MBOAT2: variants seen among roughly 807,000 people sequenced by gnomAD.
MBOAT2 encodes membrane-bound glycerophospholipid O-acyltransferase 2.
In MBOAT2, 28 loss-of-function variants were observed where a neutral mutation model predicts 63.4. The observed-to-expected ratio is 0.44, with a 90% CI of 0.33 to 0.61. The LOEUF is 0.61. Among genes scored for constraint, MBOAT2 ranks in the 20% least tolerant of loss-of-function variants. The pLI, the probability that MBOAT2 is intolerant of heterozygous loss-of-function variation, is 0.03. For synonymous variants in MBOAT2, 211 were observed against 215.6 expected (o/e 0.98, Z 0.19); for missense variants, 470 against 605.8 (o/e 0.78, Z 2.35).
At chr2:8,916,360 C>T (rs574833384) in intron 3 of MBOAT2, among the ~76,000 whole-genome samples, 1 of 152,316 alleles carries the variant, frequency 6.6e-6, no homozygotes, top group Non-Finnish European at 1.5e-5. Context: ...ATAAAATCAA[C>T]AGCTTCTGTA....
chr2:8,937,246 A>G (rs1309801685), intron 3 of MBOAT2, among the ~76,000 whole-genome samples: 1 of 152,186 alleles, frequency 6.6e-6, no homozygotes, highest in Non-Finnish European at 1.5e-5. Context: ...GTTCTAAATG[A>G]GGCAGGGGCC....
At chr2:8,929,050 AGT>A (rs1223701969) in intron 3 of MBOAT2, among the ~76,000 whole-genome samples, 3 of 152,168 alleles carry the variant, frequency 2.0e-5, no homozygotes, top group Non-Finnish European at 4.4e-5. Flanking sequence ...TGGAAAAGGT[AGT>A]GGGGAGGTGG....
At chr2:8,968,040 C>T (rs1041780893) in intron 1 of MBOAT2, among the ~76,000 whole-genome samples, 4 of 151,962 alleles carry the variant, frequency 2.6e-5, no homozygotes, top group African/African-American at 4.8e-5. Flanking sequence ...AGTGGTTCTT[C>T]GAGCACGGAG....
rs1193077408 is a variant in MBOAT2 at position 8,914,852 on chromosome 2, G to C, written c.300-6136C>G. On this transcript the variant is annotated intron_variant, in intron 3 of 12. Coordinates refer to ENST00000305997, the MANE Select transcript of MBOAT2 (RefSeq NM_138799.4). ...GAAATGATATTATTTTGGCTATATTGGGTAAAATGAAATGTTATTACTAAA... is the reference window on the plus strand; with the variant it reads ...GAAATGATATTATTTTGGCTATATTCGGTAAAATGAAATGTTATTACTAAA... Among the ~76,000 whole-genome samples the C allele has an allele frequency of 3.3e-5, 5 of 151,324 alleles. No homozygotes were observed. The East Asian group carries it at 7.8e-4, about 24-fold the overall frequency.
At chr2:8,859,675 T>C (rs1297852089) in intron 12 of MBOAT2, among the ~76,000 whole-genome samples, 1 of 152,242 alleles carries the variant, frequency 6.6e-6, no homozygotes, top group Admixed American at 6.5e-5. Flanking sequence ...TCATTCTAAA[T>C]GCTAGAGTAA....
chr2:8,902,976 T>C (rs1349325034), intron 4 of MBOAT2, among the ~76,000 whole-genome samples: 1 of 152,154 alleles, frequency 6.6e-6, no homozygotes, highest in Non-Finnish European at 1.5e-5. Flanking sequence ...TTTTACAGAG[T>C]GCTGATTGGT....
chr2:8,901,368 G>GTGCA (rs1201070014), intron 4 of MBOAT2, among the ~76,000 whole-genome samples: 1 of 151,922 alleles, frequency 6.6e-6, no homozygotes, highest in Non-Finnish European at 1.5e-5. Flanking sequence ...TCTCAAAAAC[G>GTGCA]TGCACCCTTG....
chr2:8,890,671 T>A (rs1032731276), intron 4 of MBOAT2, among the ~76,000 whole-genome samples: 23 of 152,106 alleles, frequency 1.5e-4, no homozygotes, highest in African/African-American at 5.6e-4. Flanking sequence ...AGGTACATGC[T>A]ACCACACGTG....
At chr2:8,931,298 A>C (rs13404556) in intron 3 of MBOAT2, among the ~76,000 whole-genome samples, 36,551 of 152,002 alleles carry the variant, frequency 0.24, 7,041 homozygotes, top group African/African-American at 0.54. Flanking sequence ...AGCTTTTTTT[A>C]ATATGTTTGT....
intron 5 of MBOAT2, among the ~76,000 whole-genome samples, chr2:8,886,826 G>C (rs547179239): frequency 8.1e-4 from 124 of 152,242 alleles, no homozygotes; most frequent in South Asian, 4.6e-3. Context: ...GGAGTAATCT[G>C]TTACCAGCAT....
intron 3 of MBOAT2, among the ~76,000 whole-genome samples, chr2:8,938,411 A>C (rs1240906617): frequency 2.0e-5 from 3 of 151,654 alleles, no homozygotes; most frequent in Non-Finnish European, 2.9e-5. Context: ...CTCACACCTC[A>C]CCACCCCCTA....
chr2:8,864,840 A>G (rs943095740), intron 9 of MBOAT2, among the ~76,000 whole-genome samples: 1 of 151,852 alleles, frequency 6.6e-6, no homozygotes. Flanking sequence ...CACCCTGTCT[A>G]CTTTTATCCT....
intron 1 of MBOAT2, among the ~76,000 whole-genome samples, chr2:8,986,655 A>G (rs1343209545): frequency 2.0e-5 from 3 of 152,040 alleles, no homozygotes; most frequent in East Asian, 1.9e-4. Flanking sequence ...CCCAAAATTC[A>G]TATGTTGAAG....
chr2:8,878,019 A>G (rs1337079405), intron 6 of MBOAT2, among the ~76,000 whole-genome samples: 1 of 152,146 alleles, frequency 6.6e-6, no homozygotes, highest in Non-Finnish European at 1.5e-5. Flanking sequence ...GGTTTAAAAG[A>G]TCTGTCTCAA....
chr2:8,856,311 AAACACACAC>A lies in MBOAT2; in HGVS notation c.*2359_*2367del, dbSNP rs907216201. ...TGGCTAGATAGGCTGAACCAAAAAA[AAACACACAC>A]ACACACACACACACACACACGAACA... On this transcript the variant is annotated 3_prime_UTR_variant, in exon 13 of 13. Coordinates refer to ENST00000305997, the MANE Select transcript of MBOAT2 (RefSeq NM_138799.4). The surrounding 1 kb of genome is among the most constrained non-coding windows in gnomAD (Gnocchi z 4.2). 9.1e-5 allele frequency: 11 copies of A among 120,720 alleles called. No homozygotes were observed. The highest frequency in any genetic ancestry group is 5.1e-4 in the African/African-American group (11 of 21,426). 7.5% of individuals were successfully genotyped at this position (120,720 alleles called of 1,614,324 possible).
chr2:8,873,176 G>C lies in MBOAT2; in HGVS notation c.815C>G (p.Thr272Arg). 6.2e-7 allele frequency: 1 copy of C among 1,614,140 alleles called. No homozygotes were observed. The highest frequency in any genetic ancestry group is 8.5e-7 in the Non-Finnish European group (1 of 1,180,024). Residue 272 changes from threonine (T) to arginine (R), a missense_variant, in exon 8 of 13, where the codon ACA (threonine) becomes AGA (arginine). Transcript: ENST00000305997. ...AGAGATATACAGATAGATAATCTTT[G>C]TTGGCCACGAAGCTGTAGCTTGAAA... ...EHFQATASWPTKIIYLYISLL... is the reference protein window; with the variant it reads ...EHFQATASWPRKIIYLYISLL...
chr2:8,880,777 G>C (rs1241801746), intron 6 of MBOAT2, among the ~76,000 whole-genome samples: 1 of 152,244 alleles, frequency 6.6e-6, no homozygotes, highest in Non-Finnish European at 1.5e-5. Flanking sequence ...TATTTCAGAA[G>C]AGTGGCCAAC....
chr2:8,884,610 T>G (rs1372769401), intron 5 of MBOAT2, among the ~76,000 whole-genome samples: 1 of 152,230 alleles, frequency 6.6e-6, no homozygotes, highest in Non-Finnish European at 1.5e-5. Context: ...TCTTTGTGAT[T>G]TCAAGCTTTG....
chr2:8,871,292 C>T (rs533930675), intron 8 of MBOAT2, among the ~76,000 whole-genome samples: 8 of 152,186 alleles, frequency 5.3e-5, no homozygotes, highest in East Asian at 1.9e-4. Context: ...GCCACGTGCC[C>T]GGCCTAATGA....
Sources: gnomAD v4.1 joint callset for allele counts (sites outside exome capture counted in the v4.1 genomes callset) on GRCh38, gnomAD v4.1.1 for gene constraint, Gnocchi (gnomAD v3.1) non-coding constraint, MANE v1.5 for transcripts, NCBI Gene and HGNC (gene_info 2026-07-23, HGNC 2026-07-21) for gene names.